The following CSMD1 variants were observed in gnomAD, a reference collection of about 807,000 sequenced individuals.
CSMD1 encodes CUB and Sushi multiple domains 1.
A neutral mutation model predicts 417.5 loss-of-function variants in CSMD1; 213 were observed. That is an observed-to-expected ratio of 0.51 (90% CI 0.46 to 0.57). The LOEUF (loss-of-function observed/expected upper bound fraction) is 0.57, where lower values mean the gene tolerates loss of function less well. Ranked by LOEUF, CSMD1 falls within the 20% of genes least tolerant of loss-of-function variation. The pLI is 0.00. For missense variants in CSMD1, 6,923 were observed against 4,529.7 expected, an observed-to-expected ratio of 1.53 and a Z score of -15.17; for synonymous variants, 2,862 against 1,736.8, an observed-to-expected ratio of 1.65 and a Z score of -16.11.
At chr8:3,947,106 A>T (rs1306517918) in intron 5 of CSMD1, among the ~76,000 whole-genome samples, 2 of 152,062 alleles carry the variant, frequency 1.3e-5, no homozygotes, top group Admixed American at 6.6e-5. Context: ...TTTGTTTCTG[A>T]TTTTATGAGG....
chr8:3,336,989 T>A (rs1409837848), intron 23 of CSMD1, among the ~76,000 whole-genome samples: 1 of 152,264 alleles, frequency 6.6e-6, no homozygotes, highest in African/African-American at 2.4e-5. Flanking sequence ...CTATATAAAT[T>A]AGACAGGAGC....
intron 3 of CSMD1, among the ~76,000 whole-genome samples, chr8:4,390,574 T>G (rs1334064431): frequency 6.7e-6 from 1 of 149,220 alleles, no homozygotes; most frequent in African/African-American, 2.5e-5. Flanking sequence ...AGTGCAGTGG[T>G]GCGATCTCAG....
At chr8:3,189,032 T>A (rs778150316) in intron 34 of CSMD1, 21 bp from the exon 35 acceptor site, 1 of 1,603,500 alleles carries the variant, frequency 6.2e-7, no homozygotes, top group East Asian at 2.2e-5. Flanking sequence ...CAACCATATG[T>A]CATGAAATAA....
At chr8:3,807,784 G>C (rs568931318) in intron 5 of CSMD1, among the ~76,000 whole-genome samples, 5 of 152,104 alleles carry the variant, frequency 3.3e-5, no homozygotes, top group Non-Finnish European at 2.9e-5. Flanking sequence ...GAGATATCTA[G>C]ATTGTCATTC....
intron 1 of CSMD1, among the ~76,000 whole-genome samples, chr8:4,759,662 G>T (rs1201380588): frequency 6.6e-6 from 1 of 152,130 alleles, no homozygotes; most frequent in Non-Finnish European, 1.5e-5. Flanking sequence ...AGAATATGTG[G>T]TGTTTGGTTT....
intron 1 of CSMD1, among the ~76,000 whole-genome samples, chr8:4,666,112 G>A (rs978618341): frequency 6.6e-5 from 10 of 152,096 alleles, no homozygotes; most frequent in Non-Finnish European, 4.4e-5. Flanking sequence ...GGTGACTGGG[G>A]GGCGCTGAGC....
intron 3 of CSMD1, among the ~76,000 whole-genome samples, chr8:4,033,352 G>C (rs2554568): frequency 1.1e-3 from 171 of 152,226 alleles, no homozygotes; most frequent in Admixed American, 2.7e-3. Context: ...TGAGGCAGGA[G>C]AATGGCGTGA....
chr8:4,270,428 T>C (rs888976931), intron 3 of CSMD1, among the ~76,000 whole-genome samples: 1 of 152,176 alleles, frequency 6.6e-6, no homozygotes, highest in Admixed American at 6.5e-5. Flanking sequence ...TTCTACTTTC[T>C]GAAACCATCT....
intron 3 of CSMD1, among the ~76,000 whole-genome samples, chr8:4,141,514 C>G (rs555317865): frequency 1.3e-5 from 2 of 151,070 alleles, no homozygotes; most frequent in Non-Finnish European, 2.9e-5. Flanking sequence ...GAGAGTTATT[C>G]GCTACATTTT....
intron 3 of CSMD1, among the ~76,000 whole-genome samples, chr8:4,152,629 G>A (rs539582559): frequency 2.2e-4 from 34 of 152,058 alleles, no homozygotes; most frequent in African/African-American, 8.0e-4. Flanking sequence ...GGTCAAGGCT[G>A]CAATGAGTCA....
intron 7 of CSMD1, among the ~76,000 whole-genome samples, chr8:3,656,675 C>G (rs1798126448): frequency 6.6e-6 from 1 of 152,190 alleles, no homozygotes; most frequent in Admixed American, 6.5e-5. Context: ...CGCCTGTAAT[C>G]CCAGCACTTT....
At chr8:3,461,711 C>CA (rs1816516437) in intron 12 of CSMD1, among the ~76,000 whole-genome samples, 1 of 152,192 alleles carries the variant, frequency 6.6e-6, no homozygotes, top group African/African-American at 2.4e-5. Context: ...AGGACTGGCC[C>CA]TAATCAGGAG....
chr8:4,063,364 A>C (rs1353238100), intron 3 of CSMD1, among the ~76,000 whole-genome samples: 1 of 152,186 alleles, frequency 6.6e-6, no homozygotes, highest in East Asian at 1.9e-4. Context: ...ATGTGTATGA[A>C]AAATTTAAAT....
chr8:4,006,039 A>G (rs1816083007), intron 4 of CSMD1, among the ~76,000 whole-genome samples: 1 of 152,216 alleles, frequency 6.6e-6, no homozygotes, highest in South Asian at 2.1e-4. Flanking sequence ...AGATTTGAAA[A>G]AAAGGAACTA....
At chr8:3,506,229 G>C (rs1049314267) in intron 10 of CSMD1, among the ~76,000 whole-genome samples, 5 of 152,162 alleles carry the variant, frequency 3.3e-5, no homozygotes, top group African/African-American at 7.2e-5. Context: ...CCCTGGGGGA[G>C]AGGGTGCAGG....
At chr8:3,929,376 T>A (rs1287815180) in intron 5 of CSMD1, among the ~76,000 whole-genome samples, 1 of 150,434 alleles carries the variant, frequency 6.6e-6, no homozygotes, top group Admixed American at 6.6e-5. Context: ...AAAAAGTTCG[T>A]GAATGTTCAC....
intron 5 of CSMD1, among the ~76,000 whole-genome samples, chr8:3,775,464 T>C (rs1220394930): frequency 6.6e-6 from 1 of 152,144 alleles, no homozygotes; most frequent in African/African-American, 2.4e-5. Flanking sequence ...CATTTATCAA[T>C]GATACTCATG....
chr8:4,381,633 C>A, intron 3 of CSMD1, among the ~76,000 whole-genome samples: 1 of 152,288 alleles, frequency 6.6e-6, no homozygotes, highest in Non-Finnish European at 1.5e-5. Context: ...TCCCTCCACC[C>A]CTTGTAGGCA....
intron 10 of CSMD1, among the ~76,000 whole-genome samples, chr8:3,523,702 T>TGTGCATGCACACAC (rs1797614392): frequency 6.8e-6 from 1 of 146,000 alleles, no homozygotes; most frequent in African/African-American, 2.6e-5. Context: ...TATGCACACA[T>TGTGCATGCACACAC]GTGCATGCAC....
Sources: gnomAD v4.1 joint callset for allele counts (sites outside exome capture counted in the v4.1 genomes callset) on GRCh38, gnomAD v4.1.1 for gene constraint, MANE v1.5 for transcripts, NCBI Gene and HGNC (gene_info 2026-07-23, HGNC 2026-07-21) for gene names.